Variants in CACNA1H observed in about 807,000 individuals in gnomAD.
The protein encoded by CACNA1H is voltage-dependent T-type calcium channel subunit alpha-1H.
In CACNA1H, 149 loss-of-function variants were observed where a neutral mutation model predicts 192.5. The ratio of observed to expected loss-of-function variants is 0.77; its 90% CI spans 0.68 to 0.89. The LOEUF (loss-of-function observed/expected upper bound fraction) is 0.89, where lower values mean the gene tolerates loss of function less well. Ranked by LOEUF, CACNA1H falls within the 40% of genes least tolerant of loss-of-function variation. The probability of loss-of-function intolerance (pLI) is 0.00; values close to 1 mark genes in which losing one functional copy is unlikely to be tolerated. For missense variants in CACNA1H, 4,257 were observed against 3,423.5 expected (o/e 1.24, Z -6.08); for synonymous variants, 2,202 against 1,475.2 (o/e 1.49, Z -11.29).
chr16:1,202,732 C>T (rs900736158), intron 9 of CACNA1H, among the ~76,000 whole-genome samples: 16 of 152,134 alleles, frequency 1.1e-4, no homozygotes, highest in Non-Finnish European at 1.3e-4. Flanking sequence ...TCAGACCCTC[C>T]TGGGGCAGCA....
intron 2 of CACNA1H, among the ~76,000 whole-genome samples, chr16:1,166,236 C>T (rs989481740): frequency 1.3e-5 from 2 of 152,310 alleles, no homozygotes; most frequent in African/African-American, 2.4e-5. Flanking sequence ...AAATCCTTTG[C>T]GTCCGGAGTG....
Position 1,205,238 on chromosome 16 carries a change from T to C in CACNA1H, c.2576T>C (p.Ile859Thr), listed in dbSNP as rs1968543134. 6.2e-7 allele frequency: 1 copy of C among 1,610,162 alleles called. No homozygotes were observed. Among genetic ancestry groups the C allele is most frequent in the African/African-American group, 1.3e-5 (1 of 74,856 alleles). ...PLGYIRNPYN[I>T]FDGIIVVISV... ...GGCTACATCCGGAACCCGTACAACA[T>C]CTTCGACGGCATCATCGTGGTCATC... is the stretch of plus-strand genomic sequence containing the variant. Residue 859 changes from isoleucine (I) to threonine (T), a missense_variant, in exon 11 of 35, where the codon ATC becomes ACC. Ile to Thr is a moderately conservative substitution (Grantham distance 89). Transcript: ENST00000348261.
chr16:1,183,267 C>T (rs1048807130), intron 2 of CACNA1H, among the ~76,000 whole-genome samples: 4 of 152,280 alleles, frequency 2.6e-5, no homozygotes, highest in South Asian at 2.1e-4. Flanking sequence ...GATGGCGCCG[C>T]GTTCCCCCAG....
intron 2 of CACNA1H, among the ~76,000 whole-genome samples, chr16:1,193,441 C>T (rs929314559): frequency 1.3e-5 from 2 of 152,256 alleles, no homozygotes; most frequent in African/African-American, 4.8e-5. Context: ...AACCCCACCC[C>T]CACCTCGTCC....
In CACNA1H at chr16:1,220,035, C is replaced by T. The variant is rs746778552; in HGVS notation, c.6103C>T (p.Leu2035=). The T allele has an allele frequency of 4.9e-6, 7 of 1,415,016 alleles. No homozygotes were observed. The African/African-American group carries it at 9.0e-5, about 18-fold the overall frequency. The allele number at this position is 1,415,016 out of a possible 1,614,324, so 87.7% of individuals were successfully genotyped here. Residue 2035 remains leucine, a synonymous_variant, in exon 35 of 35, where the codon CTG becomes TTG. Transcript: ENST00000348261. ...EGKIDSPRDT[L]DPAEPGEKTP... The stretch of plus-strand genomic sequence containing the variant: ...GAAGATTGACAGCCCTAGGGACACC[C>T]TGGATCCTGCAGAGCCTGGTGAGAA...
At position 1,215,293 on chromosome 16, in the gene CACNA1H, G is replaced by A. The variant is rs779699766; in HGVS notation, c.5091G>A (p.Thr1697=). Residue 1697 remains threonine, a synonymous_variant, in exon 29 of 35, where the codon ACG becomes ACA. Transcript: ENST00000348261. ...TGCTGCTGTCACTCATGGGCATCAC[G>A]CTGGAGGAGATAGAGATGAGCGCCG... ...AIVLLSLMGI[T]LEEIEMSAAL... is the part of the protein sequence containing the mutation. 2.0e-5 allele frequency: 32 copies of A among 1,609,468 alleles called. No homozygotes were observed. Among genetic ancestry groups the A allele is most frequent in the South Asian group, 5.5e-5 (5 of 90,210 alleles).
At chr16:1,216,645 C>G (rs1382149147) in intron 30 of CACNA1H, among the ~76,000 whole-genome samples, 1 of 152,208 alleles carries the variant, frequency 6.6e-6, no homozygotes, top group South Asian at 2.1e-4. Flanking sequence ...GGGCCAGAGG[C>G]TGATGCTCAG....
chr16:1,207,268 C>G lies in CACNA1H; in HGVS notation c.2908-7C>G, dbSNP rs1336676526. On this transcript the variant is annotated splice_region_variant and splice_polypyrimidine_tract_variant and intron_variant, in intron 13 of 34. Transcript: ENST00000348261. ...GTGACCACCCCAGGCCCCCTGCTATCCCCCAGATCCTGACCCAGGAGGACT... is the reference window on the plus strand; with the variant it reads ...GTGACCACCCCAGGCCCCCTGCTATGCCCCAGATCCTGACCCAGGAGGACT... 1 of 1,600,192 alleles carries G rather than the reference C, an allele frequency of 6.2e-7. No homozygotes were observed. The highest frequency in any genetic ancestry group is 1.3e-5 in the African/African-American group (1 of 74,722).
intron 2 of CACNA1H, among the ~76,000 whole-genome samples, chr16:1,175,085 A>G (rs1964743190): frequency 6.6e-6 from 1 of 152,114 alleles, no homozygotes; most frequent in Non-Finnish European, 1.5e-5. Context: ...CAACTTCCAC[A>G]GGCCCGCGTG....
chr16:1,170,603 C>T (rs1305670788), intron 2 of CACNA1H, among the ~76,000 whole-genome samples: 1 of 152,196 alleles, frequency 6.6e-6, no homozygotes, highest in African/African-American at 2.4e-5. Context: ...TCTGTCTCCC[C>T]TGCATGAGTG....
chr16:1,162,456 G>A (rs573548420), intron 2 of CACNA1H, among the ~76,000 whole-genome samples: 2 of 152,280 alleles, frequency 1.3e-5, no homozygotes, highest in African/African-American at 4.8e-5. Flanking sequence ...AGGATGAATC[G>A]CGATTGGTCG....
chr16:1,211,521 C>T lies in CACNA1H; in HGVS notation c.4391C>T (p.Thr1464Ile), dbSNP rs751731673. 1.9e-6 allele frequency: 3 copies of T among 1,612,414 alleles called. No homozygotes were observed. In the Admixed American group the frequency reaches 5.0e-5, roughly 27 times the overall value. ...TTCTACTACTGCGAGGGCCCCGACA[C>T]CAGGAACATCTCCACCAAGGCACAG... ...GKFYYCEGPD[T>I]RNISTKAQCR... The change falls in exon 23 of 35, where the codon ACC (threonine) becomes ATC (isoleucine). Residue 1464 changes from threonine (T) to isoleucine (I), a missense_variant. Physicochemically the swap from Thr to Ile is moderately conservative, Grantham distance 89. Transcript: ENST00000348261.
At chr16:1,176,412 C>T (rs1271462495) in intron 2 of CACNA1H, among the ~76,000 whole-genome samples, 2 of 152,218 alleles carry the variant, frequency 1.3e-5, no homozygotes, top group Non-Finnish European at 1.5e-5. Context: ...GGGTCGGCCG[C>T]TCCTACTCTC....
At position 1,216,972 on chromosome 16, in the gene CACNA1H, T is replaced by C; in HGVS notation, c.5285T>C (p.Ile1762Thr). 1.2e-6 allele frequency: 2 copies of C among 1,603,576 alleles called. No individual in the cohort carries two copies. Among genetic ancestry groups the C allele is most frequent in the East Asian group, 2.2e-5 (1 of 44,506 alleles). Residue 1762 changes from isoleucine (I) to threonine (T), a missense_variant, in exon 31 of 35, where the codon ATC becomes ACC. Ile to Thr is a moderately conservative substitution (Grantham distance 89). Coordinates refer to ENST00000348261, the MANE Select transcript of CACNA1H (RefSeq NM_021098.3). ...CTTCTTTTCATGCTCCTGTTTTTTA[T>C]CTATGCTGCGCTGGGAGTGGAGCTG... ...LGLLFMLLFFIYAALGVELFG... is the reference protein window; with the variant it reads ...LGLLFMLLFFTYAALGVELFG...
chr16:1,206,756 C>G (rs548964024), intron 12 of CACNA1H: 4 of 509,856 alleles, frequency 7.8e-6, no homozygotes, highest in African/African-American at 7.7e-5. Context: ...TGGCTTCCCT[C>G]TGTCTGTCCC....
rs1961888203 is a variant in CACNA1H at position 1,153,709 on chromosome 16, G to A, written c.-18-11G>A. On this transcript the variant is annotated splice_polypyrimidine_tract_variant and intron_variant, in intron 1 of 34. Transcript: ENST00000348261. ...CGCCACCGGCCCCGGGTCACCCCCT[G>A]TCCTCTGCAGGTGCTGCCGGCCGCC... 1 of 1,197,636 alleles carries A rather than the reference G, an allele frequency of 8.3e-7. No individual in the cohort carries two copies. The allele number at this position is 1,197,636 out of a possible 1,614,324, so 74.2% of individuals were successfully genotyped here.
At chr16:1,216,795 C>CTGG in intron 30 of CACNA1H, 137 bp from the exon 31 acceptor site, 1 of 601,428 alleles carries the variant, frequency 1.7e-6, no homozygotes, top group South Asian at 1.6e-5. Context: ...GAACTTGCTT[C>CTGG]CACTTGGCCG....
At chr16:1,158,227 A>C (rs1962687891) in intron 2 of CACNA1H, among the ~76,000 whole-genome samples, 2 of 152,160 alleles carry the variant, frequency 1.3e-5, no homozygotes, top group African/African-American at 4.8e-5. Flanking sequence ...CCTGCAAGGA[A>C]GCAGAGACAC....
intron 31 of CACNA1H, among the ~76,000 whole-genome samples, chr16:1,217,549 C>T (rs1393883395): frequency 3.3e-5 from 5 of 152,222 alleles, no homozygotes; most frequent in African/African-American, 9.7e-5. Context: ...GGCCCTGTCC[C>T]GACGGTGGGT....
Sources: gnomAD v4.1 joint callset for allele counts (sites outside exome capture counted in the v4.1 genomes callset) on GRCh38, gnomAD v4.1.1 for gene constraint, MANE v1.5 for transcripts, NCBI Gene and HGNC (gene_info 2026-07-23, HGNC 2026-07-21) for gene names.